The following DCBLD2 variants were observed in gnomAD, a reference collection of about 807,000 sequenced individuals.
The protein encoded by DCBLD2 is discoidin, CUB and LCCL domain containing 2.
In DCBLD2, 54 loss-of-function variants were observed where a neutral mutation model predicts 86.8. The ratio of observed to expected loss-of-function variants is 0.62; its 90% CI spans 0.50 to 0.78. The LOEUF (loss-of-function observed/expected upper bound fraction) is 0.78, where lower values mean the gene tolerates loss of function less well. Ranked by LOEUF, DCBLD2 falls within the 30% of genes least tolerant of loss-of-function variation. The pLI, the probability that DCBLD2 is intolerant of heterozygous loss-of-function variation, is 0.00. For synonymous variants in DCBLD2, 354 were observed against 341.3 expected, an observed-to-expected ratio of 1.04 and a Z score of -0.41; for missense variants, 908 against 954.2, an observed-to-expected ratio of 0.95 and a Z score of 0.64.
chr3:98,823,045 G>A (rs1328658126), intron 4 of DCBLD2, among the ~76,000 whole-genome samples: 1 of 152,080 alleles, frequency 6.6e-6, no homozygotes, highest in African/African-American at 2.4e-5. Context: ...GCTAATTTTT[G>A]TATTTTTAGT....
chr3:98,859,219 G>A (rs1208317660), intron 2 of DCBLD2, among the ~76,000 whole-genome samples: 1 of 152,174 alleles, frequency 6.6e-6, no homozygotes, highest in Non-Finnish European at 1.5e-5. Flanking sequence ...GGTAAACAAA[G>A]CGGCCAGGAA....
chr3:98,808,002 A>G, intron 13 of DCBLD2, 79 bp downstream of exon 13: 1 of 1,102,076 alleles, frequency 9.1e-7, no homozygotes. Context: ...TCAAACAGGT[A>G]AACATTTTCA....
At chr3:98,866,047 T>A (rs1943137214) in intron 2 of DCBLD2, among the ~76,000 whole-genome samples, 1 of 152,168 alleles carries the variant, frequency 6.6e-6, no homozygotes, top group Non-Finnish European at 1.5e-5. Context: ...ACTCATCATT[T>A]TTTATGGCTG....
At chr3:98,884,729 CG>C (rs1011512132) in intron 1 of DCBLD2, among the ~76,000 whole-genome samples, 15 of 152,124 alleles carry the variant, frequency 9.9e-5, no homozygotes, top group Admixed American at 9.8e-4. Flanking sequence ...TATAAATGCA[CG>C]TTCTTTAGTA....
At chr3:98,802,460 T>C (rs1941746132) in intron 13 of DCBLD2, among the ~76,000 whole-genome samples, 1 of 152,206 alleles carries the variant, frequency 6.6e-6, no homozygotes, top group Non-Finnish European at 1.5e-5. Context: ...ATTAGCCCTT[T>C]GTCAGATGAG....
At chr3:98,858,336 C>G (rs1015501559) in intron 2 of DCBLD2, among the ~76,000 whole-genome samples, 1 of 152,228 alleles carries the variant, frequency 6.6e-6, no homozygotes, top group Admixed American at 6.5e-5. Flanking sequence ...CTGAGGGAGC[C>G]GGCTCCGGCC....
chr3:98,810,641 A>C (rs1033362093), intron 12 of DCBLD2, among the ~76,000 whole-genome samples: 1 of 152,226 alleles, frequency 6.6e-6, no homozygotes, highest in African/African-American at 2.4e-5. Flanking sequence ...CTGATAACAA[A>C]ACTTGAAAGT....
At chr3:98,883,501 CTTAG>C (rs958335486) in intron 1 of DCBLD2, among the ~76,000 whole-genome samples, 40 of 152,190 alleles carry the variant, frequency 2.6e-4, no homozygotes, top group Admixed American at 1.4e-3. Context: ...AATACAGAAA[CTTAG>C]TTAACAACAT....
intron 8 of DCBLD2, 42 bp downstream of exon 8, chr3:98,819,160 A>G (rs1559772815): frequency 8.0e-6 from 12 of 1,507,666 alleles, no homozygotes; most frequent in African/African-American, 1.4e-5. Context: ...TTCAAATAAA[A>G]TAAGTGTTAC....
Position 98,799,316 on chromosome 3 carries a change from TAAAA to T in DCBLD2, c.*52_*55del. Reference sequence around the variant, plus strand: ...TCTATATATTACTACCACTAATAATTAAAAAAAAAAGGCCATGTGCTTTAAAACG... The same window carrying T: ...TCTATATATTACTACCACTAATAATTAAAAAAGGCCATGTGCTTTAAAACG... On this transcript the variant is annotated 3_prime_UTR_variant, in exon 16 of 16. Coordinates refer to ENST00000326840, the MANE Select transcript of DCBLD2 (RefSeq NM_080927.4). 1 of 1,116,802 alleles carries T rather than the reference TAAAA, an allele frequency of 9.0e-7. No individual in the cohort carries two copies. The highest frequency in any genetic ancestry group is 1.7e-5 in the South Asian group (1 of 57,214). The allele number at this position is 1,116,802 out of a possible 1,614,324, so 69.2% of individuals were successfully genotyped here.
At chr3:98,886,850 A>C (rs1943573593) in intron 1 of DCBLD2, among the ~76,000 whole-genome samples, 1 of 145,032 alleles carries the variant, frequency 6.9e-6, no homozygotes, top group Admixed American at 7.1e-5. Context: ...GAAAAAAGAG[A>C]AAGAAAATTA....
chr3:98,867,551 T>A (rs932055612), intron 2 of DCBLD2, among the ~76,000 whole-genome samples: 1 of 152,184 alleles, frequency 6.6e-6, no homozygotes, highest in Non-Finnish European at 1.5e-5. Flanking sequence ...AAGACTTGAA[T>A]TTACATACTG....
At chr3:98,854,449 T>C (rs1175516964) in intron 2 of DCBLD2, among the ~76,000 whole-genome samples, 1 of 152,154 alleles carries the variant, frequency 6.6e-6, no homozygotes, top group Non-Finnish European at 1.5e-5. Flanking sequence ...TTTGGCTGGA[T>C]TTAGCCTTAC....
chr3:98,869,919 A>C (rs375424411), intron 2 of DCBLD2, among the ~76,000 whole-genome samples: 1 of 152,354 alleles, frequency 6.6e-6, no homozygotes, highest in East Asian at 1.9e-4. Context: ...CTAAAAATGG[A>C]GTGCTATAAA....
At chr3:98,867,107 T>C (rs893780912) in intron 2 of DCBLD2, among the ~76,000 whole-genome samples, 12 of 152,360 alleles carry the variant, frequency 7.9e-5, no homozygotes, top group African/African-American at 1.2e-4. Flanking sequence ...TTGGTTACTG[T>C]AGCCTTGTAG....
intron 1 of DCBLD2, among the ~76,000 whole-genome samples, chr3:98,896,377 T>C (rs775521199): frequency 3.3e-5 from 5 of 152,376 alleles, no homozygotes; most frequent in Non-Finnish European, 5.9e-5. Context: ...TTCTCCAGAA[T>C]GAAGAATTCA....
rs775043150 is a variant in DCBLD2 at position 98,819,216 on chromosome 3, T to C, written c.1073A>G (p.Glu358Gly). 4 of 1,571,034 alleles carry C rather than the reference T, an allele frequency of 2.5e-6. No homozygotes were observed. The South Asian group carries it at 4.6e-5, about 18-fold the overall frequency. Reference protein sequence around the residue: ...YQWLQIDLNKEKKITGIITTG... With the variant: ...YQWLQIDLNKGKKITGIITTG... ...TGTCTCTTAACCTGTTATTTTCTTT[T>C]CCTTATTCAAATCTATTTGTAACCA... is the stretch of plus-strand genomic sequence containing the variant. The change falls in exon 8 of 16, where the codon GAA becomes GGA. Residue 358 changes from glutamate (E) to glycine (G), a missense_variant. By Grantham distance (98) the Glu-to-Gly change is moderately conservative. This residue lies in a region of DCBLD2 where 606 missense variants were observed against 678.5 expected (regional missense o/e 0.89). Coordinates refer to ENST00000326840, the MANE Select transcript of DCBLD2 (RefSeq NM_080927.4).
rs1024000980 is a variant in DCBLD2, at chr3:98,848,343, G to A, written c.571+1118C>T. On this transcript the variant is annotated intron_variant, in intron 3 of 15. Transcript: ENST00000326840. ...CTGCATAGTATTCCATGGTATACAT[G>A]TCCAAAACTTTCTTTATCCAGTCTA... Among the ~76,000 whole-genome samples, 50 of 152,146 alleles carry A rather than the reference G, an allele frequency of 3.3e-4. 2 individuals are homozygous for A. The highest frequency in any genetic ancestry group is 3.1e-3 in the Admixed American group (48 of 15,278).
chr3:98,846,152 A>T (rs1942717343), intron 3 of DCBLD2, among the ~76,000 whole-genome samples: 1 of 152,220 alleles, frequency 6.6e-6, no homozygotes, highest in Non-Finnish European at 1.5e-5. Flanking sequence ...GCTCTTGCAC[A>T]AGGTAATGAG....
Sources: gnomAD v4.1 joint callset for allele counts (sites outside exome capture counted in the v4.1 genomes callset) on GRCh38, gnomAD v4.1.1 for gene constraint, gnomAD v4.1.1 regional missense constraint, MANE v1.5 for transcripts, NCBI Gene and HGNC (gene_info 2026-07-23, HGNC 2026-07-21) for gene names.